ASCL1: variants seen among roughly 807,000 people sequenced by gnomAD.
The protein encoded by ASCL1 is achaete-scute homolog 1.
ASCL1 carries 2 observed loss-of-function variants against 16.1 expected under a neutral mutation model. The observed-to-expected ratio is 0.12, with a 90% CI of 0.05 to 0.39. The LOEUF (loss-of-function observed/expected upper bound fraction) is 0.39, where lower values mean the gene tolerates loss of function less well. Among genes scored for constraint, ASCL1 ranks in the 10% least tolerant of loss-of-function variants. The pLI, the probability that ASCL1 is intolerant of heterozygous loss-of-function variation, is 0.99. For missense variants in ASCL1, 276 were observed against 336.9 expected (o/e 0.82, Z 1.41); for synonymous variants, 165 against 155.7 (o/e 1.06, Z -0.45).
chr12:102,958,690 C>G lies in ASCL1; in HGVS notation c.446C>G (p.Ala149Gly), dbSNP rs748011544. 14 of 1,613,936 alleles carry G rather than the reference C, an allele frequency of 8.7e-6. No homozygotes were observed. Among genetic ancestry groups the G allele is most frequent in the Non-Finnish European group, 5.9e-6 (7 of 1,180,000 alleles). Residue 149 changes from alanine (A) to glycine (G), a missense_variant, in exon 1 of 2, where the codon GCG becomes GGG. Physicochemically the swap from Ala to Gly is moderately conservative, Grantham distance 60. This residue lies in a region of ASCL1 where 30 missense variants were observed against 83.2 expected (regional missense o/e 0.36). Transcript: ENST00000266744. ...ATLREHVPNG[A>G]ANKKMSKVET... is the part of the protein sequence containing the mutation. ...CTTCGGGAGCACGTCCCCAACGGCG[C>G]GGCCAACAAGAAGATGAGTAAGGTG...
chr12:102,959,033 T>C, intron 1 of ASCL1, 31 bp downstream of exon 1: 1 of 1,593,822 alleles, frequency 6.3e-7, no homozygotes, highest in Non-Finnish European at 8.6e-7. Context: ...GGCAGGGGGG[T>C]ATTCTTGCCT....
intron 1 of ASCL1, among the ~76,000 whole-genome samples, 161 bp from the exon 2 acceptor site, chr12:102,959,201 T>TGAA (rs757236401): frequency 7.2e-5 from 11 of 151,900 alleles, no homozygotes; most frequent in Non-Finnish European, 1.2e-4. Flanking sequence ...CTCCAAGGAG[T>TGAA]GAAGGGTAGT....
intron 1 of ASCL1, 32 bp from the exon 2 acceptor site, chr12:102,959,330 T>G: frequency 3.5e-6 from 1 of 284,774 alleles, no homozygotes; most frequent in Non-Finnish European, 6.7e-6. Context: ...ACGTTCAAAT[T>G]AACCTCTCCT....
chr12:102,958,484 G>A lies in ASCL1; in HGVS notation c.240G>A (p.Lys80=), dbSNP rs764059216. 6 of 1,586,882 alleles carry A rather than the reference G, an allele frequency of 3.8e-6. No homozygotes were observed. ...GCCAGCCCTCAGGGGGCGGTCACAA[G>A]TCAGCGCCCAAGCAAGTCAAGCGAC... is the stretch of plus-strand genomic sequence containing the variant. ...ADGQPSGGGH[K]SAPKQVKRQR... is the part of the protein sequence containing the mutation. Residue 80 remains lysine, a synonymous_variant, in exon 1 of 2, where the codon AAG becomes AAA. Coordinates refer to ENST00000266744, the MANE Select transcript of ASCL1 (RefSeq NM_004316.4).
rs967631327 is a variant in ASCL1, at chr12:102,957,773, T to TAA, written c.-471_-470dup. The TAA allele has an allele frequency of 6.5e-6, 1 of 153,750 alleles. No individual in the cohort carries two copies. Among genetic ancestry groups the TAA allele is most frequent in the African/African-American group, 2.4e-5 (1 of 41,410 alleles). 9.5% of individuals were successfully genotyped at this position (153,750 alleles called of 1,614,324 possible). On this transcript the variant is annotated 5_prime_UTR_variant, in exon 1 of 2. Transcript: ENST00000266744. This position sits in a 1 kb window ranked among gnomAD's most constrained non-coding sequence, Gnocchi z 4.1. ...GAAGGAAATCAGAAAGGAAGGGAGT[T>TAA]AACAAAATAATAAAAACAGCCTGAG...
rs1353273711 is a variant in ASCL1 at position 102,958,785 on chromosome 12, A to T, written c.541A>T (p.Ser181Cys). The change falls in exon 1 of 2, where the codon AGC becomes TGC. Residue 181 changes from serine to cysteine, a missense_variant. Ser to Cys is a moderately radical substitution (Grantham distance 112). Coordinates refer to ENST00000266744, the MANE Select transcript of ASCL1 (RefSeq NM_004316.4). ...QQLLDEHDAV[S>C]AAFQAGVLSP... ...GCTGCTGGACGAGCATGACGCGGTG[A>T]GCGCCGCCTTCCAGGCAGGCGTCCT... The T allele has an allele frequency of 1.2e-6, 2 of 1,614,030 alleles. No homozygotes were observed. The highest frequency in any genetic ancestry group is 1.7e-6 in the Non-Finnish European group (2 of 1,179,990).
chr12:102,958,232 G>T lies in ASCL1; in HGVS notation c.-13G>T. ...ATCGCTCTGATTCCGCGACTCCTTG[G>T]CCGCCGCTGCGCATGGAAAGCTCTG... On this transcript the variant is annotated 5_prime_UTR_variant, in exon 1 of 2. Transcript: ENST00000266744. 1 of 1,460,198 alleles carries T rather than the reference G, an allele frequency of 6.8e-7. No individual in the cohort carries two copies. The allele number at this position is 1,460,198 out of a possible 1,614,324, so 90.5% of individuals were successfully genotyped here. A position where few individuals can be genotyped will look rare whatever the true frequency, so the allele number is the denominator to read the frequency against.
rs541702840 is a variant in ASCL1 at position 102,959,528 on chromosome 12, T to C, written c.*214T>C. 1 of 154,170 alleles carries C rather than the reference T, an allele frequency of 6.5e-6. No individual in the cohort carries two copies. The allele number at this position is 154,170 out of a possible 1,614,324, so 9.6% of individuals were successfully genotyped here. ...CTAAGCGAGGCATGCCTGAGAGACA[T>C]GGCTTTCAGAAAACGGGAAGCGCTC... On this transcript the variant is annotated 3_prime_UTR_variant, in exon 2 of 2. Coordinates refer to ENST00000266744, the MANE Select transcript of ASCL1 (RefSeq NM_004316.4).
Position 102,958,045 on chromosome 12 carries a change from C to A in ASCL1, c.-200C>A. 2.4e-6 allele frequency: 1 copy of A among 409,922 alleles called. No homozygotes were observed. Among genetic ancestry groups the A allele is most frequent in the Non-Finnish European group, 4.2e-6 (1 of 238,042 alleles). The allele number at this position is 409,922 out of a possible 1,614,324, so 25.4% of individuals were successfully genotyped here. ...GTGCAGGGAGGAGAAAAAGCATTTT[C>A]ACTTTTTTTGCTCCCACTCTAAGAA... On this transcript the variant is annotated 5_prime_UTR_variant, in exon 1 of 2. Coordinates refer to ENST00000266744, the MANE Select transcript of ASCL1 (RefSeq NM_004316.4).
rs769387519 is a variant in ASCL1, at chr12:102,958,338, T to C, written c.94T>C (p.Phe32Leu). 6.8e-7 allele frequency: 1 copy of C among 1,461,456 alleles called. No individual in the cohort carries two copies. The highest frequency in any genetic ancestry group is 1.4e-5 in the South Asian group (1 of 73,696). The allele number at this position is 1,461,456 out of a possible 1,614,324, so 90.5% of individuals were successfully genotyped here. ...CTTCCTGCCGCCCGCAGCCTGTTTCTTTGCCACGGCCGCAGCCGCGGCGGC... is the reference window on the plus strand; with the variant it reads ...CTTCCTGCCGCCCGCAGCCTGTTTCCTTGCCACGGCCGCAGCCGCGGCGGC... ...QPFLPPAACF[F>L]ATAAAAAAAA... Residue 32 changes from phenylalanine (F) to leucine (L), a missense_variant, in exon 1 of 2, where the codon TTT becomes CTT. Coordinates refer to ENST00000266744, the MANE Select transcript of ASCL1 (RefSeq NM_004316.4).
At position 102,957,677 on chromosome 12, in the gene ASCL1, ACT is replaced by A. The variant is rs1367687321; in HGVS notation, c.-562_-561del. On this transcript the variant is annotated 5_prime_UTR_variant, in exon 1 of 2. Transcript: ENST00000266744. The surrounding 1 kb of genome is among the most constrained non-coding windows in gnomAD (Gnocchi z 4.1). ...GGCGGACGCACTCCGGCAGCCCAGC[ACT>A]CTCTCACTTCTGGCCAGGGAACGTG... 4.6e-5 allele frequency: 7 copies of A among 152,482 alleles called. No individual in the cohort carries two copies. The East Asian group carries it at 1.4e-3, about 29-fold the overall frequency. 9.4% of individuals were successfully genotyped at this position (152,482 alleles called of 1,614,324 possible).
At position 102,958,959 on chromosome 12, in the gene ASCL1, G is replaced by C; in HGVS notation, c.*4G>C. 1 of 1,613,508 alleles carries C rather than the reference G, an allele frequency of 6.2e-7. No individual in the cohort carries two copies. The highest frequency in any genetic ancestry group is 8.5e-7 in the Non-Finnish European group (1 of 1,180,050). On this transcript the variant is annotated 3_prime_UTR_variant, in exon 1 of 2. Coordinates refer to ENST00000266744, the MANE Select transcript of ASCL1 (RefSeq NM_004316.4). ...CGACTTCACCAACTGGTTCTGAGGG[G>C]CTCGGCCTGGTCAGGCCCTGGTGCG...
rs1033261567 is a variant in ASCL1, at chr12:102,957,989, G to A, written c.-256G>A. 9 of 331,058 alleles carry A rather than the reference G, an allele frequency of 2.7e-5. No homozygotes were observed. Among genetic ancestry groups the A allele is most frequent in the Non-Finnish European group, 4.9e-5 (9 of 183,638 alleles). 20.5% of individuals were successfully genotyped at this position (331,058 alleles called of 1,614,324 possible). A position where few individuals can be genotyped will look rare whatever the true frequency, so the allele number is the denominator to read the frequency against. On this transcript the variant is annotated 5_prime_UTR_variant, in exon 1 of 2. Transcript: ENST00000266744. This position sits in a 1 kb window ranked among gnomAD's most constrained non-coding sequence, Gnocchi z 4.1. ...CGCGAGGCTCCCGAAGCCAACCCGCGAAGGGAGGAGGGGAGGGAGGAGGAG... is the reference window on the plus strand; with the variant it reads ...CGCGAGGCTCCCGAAGCCAACCCGCAAAGGGAGGAGGGGAGGGAGGAGGAG...
Position 102,958,345 on chromosome 12 carries a change from C to A in ASCL1, c.101C>A (p.Thr34Lys). 1 of 1,436,598 alleles carries A rather than the reference C, an allele frequency of 7.0e-7. No homozygotes were observed. The highest frequency in any genetic ancestry group is 9.1e-7 in the Non-Finnish European group (1 of 1,100,086). The allele number at this position is 1,436,598 out of a possible 1,614,324, so 89.0% of individuals were successfully genotyped here. ...FLPPAACFFA[T>K]AAAAAAAAAA... is the part of the protein sequence containing the mutation. ...CCGCCCGCAGCCTGTTTCTTTGCCA[C>A]GGCCGCAGCCGCGGCGGCCGCAGCC... The change falls in exon 1 of 2, where the codon ACG (threonine) becomes AAG (lysine). Residue 34 changes from threonine (T) to lysine (K), a missense_variant. Physicochemically the swap from Thr to Lys is moderately conservative, Grantham distance 78. Transcript: ENST00000266744.
Position 102,958,210 on chromosome 12 carries a change from G to T in ASCL1, c.-35G>T. 6.9e-7 allele frequency: 1 copy of T among 1,441,250 alleles called. No individual in the cohort carries two copies. Among genetic ancestry groups the T allele is most frequent in the Non-Finnish European group, 9.1e-7 (1 of 1,099,530 alleles). 89.3% of individuals were successfully genotyped at this position (1,441,250 alleles called of 1,614,324 possible). Reference sequence around the variant, plus strand: ...GGCCCCGCACCTCGCGTCCCGGATCGCTCTGATTCCGCGACTCCTTGGCCG... The same window carrying T: ...GGCCCCGCACCTCGCGTCCCGGATCTCTCTGATTCCGCGACTCCTTGGCCG... On this transcript the variant is annotated 5_prime_UTR_variant, in exon 1 of 2. Coordinates refer to ENST00000266744, the MANE Select transcript of ASCL1 (RefSeq NM_004316.4).
chr12:102,958,077 C>G lies in ASCL1; in HGVS notation c.-168C>G. ...TTTGCTCCCACTCTAAGAAGTCTCC[C>G]GGGGATTTTGTATATATTTTTTAAC... On this transcript the variant is annotated 5_prime_UTR_variant, in exon 1 of 2. Transcript: ENST00000266744. 1 of 474,514 alleles carries G rather than the reference C, an allele frequency of 2.1e-6. No individual in the cohort carries two copies. Among genetic ancestry groups the G allele is most frequent in the Non-Finnish European group, 3.4e-6 (1 of 290,130 alleles). 29.4% of individuals were successfully genotyped at this position (474,514 alleles called of 1,614,324 possible). A position where few individuals can be genotyped will look rare whatever the true frequency, so the allele number is the denominator to read the frequency against.
chr12:102,958,061 A>T lies in ASCL1; in HGVS notation c.-184A>T. ...AAGCATTTTCACTTTTTTTGCTCCC[A>T]CTCTAAGAAGTCTCCCGGGGATTTT... On this transcript the variant is annotated 5_prime_UTR_variant, in exon 1 of 2. Transcript: ENST00000266744. 2.3e-6 allele frequency: 1 copy of T among 427,366 alleles called. No individual in the cohort carries two copies. The highest frequency in any genetic ancestry group is 4.0e-6 in the Non-Finnish European group (1 of 252,218). 26.5% of individuals were successfully genotyped at this position (427,366 alleles called of 1,614,324 possible).
rs1371158864 is a variant in ASCL1, at chr12:102,957,909, T to TC, written c.-336_-335insC. 4.6e-6 allele frequency: 1 copy of TC among 218,382 alleles called. No homozygotes were observed. The highest frequency in any genetic ancestry group is 8.7e-6 in the Non-Finnish European group (1 of 115,032). The allele number at this position is 218,382 out of a possible 1,614,324, so 13.5% of individuals were successfully genotyped here. A position where few individuals can be genotyped will look rare whatever the true frequency, so the allele number is the denominator to read the frequency against. On this transcript the variant is annotated 5_prime_UTR_variant, in exon 1 of 2. Coordinates refer to ENST00000266744, the MANE Select transcript of ASCL1 (RefSeq NM_004316.4). This position sits in a 1 kb window ranked among gnomAD's most constrained non-coding sequence, Gnocchi z 4.1. Reference sequence around the variant, plus strand: ...ACTGACTTTTGCTGCTGCTTCTGCTTTTTTTTTTCTTAGAAACAAGAAGGC... The same window carrying TC: ...ACTGACTTTTGCTGCTGCTTCTGCTTCTTTTTTTTCTTAGAAACAAGAAGGC...
At position 102,958,943 on chromosome 12, in the gene ASCL1, C is replaced by T. The variant is rs544415662; in HGVS notation, c.699C>T (p.Thr233=). ...SPEEQELLDF[T]NWF ...AGGAGCAGGAGCTTCTCGACTTCAC[C>T]AACTGGTTCTGAGGGGCTCGGCCTG... is the stretch of plus-strand genomic sequence containing the variant. Residue 233 remains threonine, a synonymous_variant, in exon 1 of 2, where the codon ACC becomes ACT. Transcript: ENST00000266744. The T allele has an allele frequency of 6.2e-7, 1 of 1,613,704 alleles. No homozygotes were observed. The highest frequency in any genetic ancestry group is 1.1e-5 in the South Asian group (1 of 91,086).
Sources: gnomAD v4.1 joint callset for allele counts (sites outside exome capture counted in the v4.1 genomes callset) on GRCh38, gnomAD v4.1.1 for gene constraint, gnomAD v4.1.1 regional missense constraint, Gnocchi (gnomAD v3.1) non-coding constraint, MANE v1.5 for transcripts, NCBI Gene and HGNC (gene_info 2026-07-23, HGNC 2026-07-21) for gene names.